The following N4BP2 variants were observed in gnomAD, a reference collection of about 807,000 sequenced individuals.
The protein encoded by N4BP2 is NEDD4-binding protein 2.
A neutral mutation model predicts 152.8 loss-of-function variants in N4BP2; 91 were observed. The ratio of observed to expected loss-of-function variants is 0.60; its 90% confidence interval spans 0.50 to 0.71. The LOEUF is 0.71. Among genes scored for constraint, N4BP2 ranks in the 30% least tolerant of loss-of-function variants. The probability of loss-of-function intolerance (pLI) is 0.00; values close to 1 mark genes in which losing one functional copy is unlikely to be tolerated. For missense variants in N4BP2, 1,923 were observed against 2,059.1 expected (o/e 0.93, Z 1.28); for synonymous variants, 646 against 705.3 (o/e 0.92, Z 1.33).
rs1371132271 is a variant in N4BP2, at chr4:40,102,908, C to T, written c.1063C>T (p.Pro355Ser). 2 of 1,614,034 alleles carry T rather than the reference C, an allele frequency of 1.2e-6. No individual in the cohort carries two copies. Among genetic ancestry groups the T allele is most frequent in the Admixed American group, 3.3e-5 (2 of 60,000 alleles). ...PVLAPLPLLL[P>S]PPPPPPMWNP... Reference sequence around the variant, plus strand: ...ACTTGCTCCTCTCCCATTGCTGTTGCCTCCTCCGCCACCTCCACCGATGTG... The same window carrying T: ...ACTTGCTCCTCTCCCATTGCTGTTGTCTCCTCCGCCACCTCCACCGATGTG... The change falls in exon 4 of 18, where the codon CCT becomes TCT. Residue 355 changes from proline (P) to serine (S), a missense_variant. By Grantham distance (74) the Pro-to-Ser change is moderately conservative. Coordinates refer to ENST00000261435, the MANE Select transcript of N4BP2 (RefSeq NM_018177.6).
intron 1 of N4BP2, among the ~76,000 whole-genome samples, chr4:40,064,856 G>A (rs559690292): frequency 6.6e-6 from 1 of 150,748 alleles, no homozygotes; most frequent in African/African-American, 2.4e-5. Context: ...TGCAACCTCC[G>A]CCTCCCAGGT....
chr4:40,169,460 G>T, the N4BP2 span, among the ~76,000 whole-genome samples: 1 of 150,918 alleles, frequency 6.6e-6, no homozygotes, highest in Non-Finnish European at 1.5e-5. Context: ...AATGAAATTA[G>T]AAATATATAA....
intron 15 of N4BP2, among the ~76,000 whole-genome samples, chr4:40,143,402 C>T (rs1720229277): frequency 6.6e-6 from 1 of 152,088 alleles, no homozygotes; most frequent in South Asian, 2.1e-4. Flanking sequence ...CAGCCTTGAC[C>T]TCCCAGGCTC....
At chr4:40,165,844 A>T in the N4BP2 span, among the ~76,000 whole-genome samples, 3 of 152,060 alleles carry the variant, frequency 2.0e-5, no homozygotes, top group Admixed American at 2.0e-4. Context: ...TTCCCTTCAT[A>T]TTCTTTCTGT....
the N4BP2 span, among the ~76,000 whole-genome samples, chr4:40,183,326 C>T: frequency 1.3e-5 from 2 of 149,430 alleles, no homozygotes; most frequent in Non-Finnish European, 3.0e-5. Flanking sequence ...ATTGGCTAAA[C>T]TACTTTTTAC....
the N4BP2 span, among the ~76,000 whole-genome samples, chr4:40,168,850 G>A: frequency 2.6e-5 from 4 of 151,328 alleles, no homozygotes; most frequent in Admixed American, 6.6e-5. Flanking sequence ...TCAGTCTCCC[G>A]AGTAGCTGGA....
At chr4:40,113,307 G>T (rs1039060439) in intron 6 of N4BP2, 125 bp from the exon 7 acceptor site, 2 of 630,910 alleles carry the variant, frequency 3.2e-6, no homozygotes, top group South Asian at 2.1e-5. Context: ...TGTATATTTT[G>T]CCATTTTAAC....
intron 1 of N4BP2, among the ~76,000 whole-genome samples, chr4:40,062,022 TG>T (rs1382698432): frequency 2.6e-5 from 4 of 151,884 alleles, no homozygotes; most frequent in Non-Finnish European, 5.9e-5. Flanking sequence ...ATTTATTTTT[TG>T]GTTTTATTTA....
chr4:40,135,767 A>T (rs938762613), intron 13 of N4BP2, among the ~76,000 whole-genome samples: 4 of 152,022 alleles, frequency 2.6e-5, no homozygotes, highest in Admixed American at 2.0e-4. Flanking sequence ...GGGTTTCACC[A>T]TGTTGGCCAG....
chr4:40,103,788 A>G (rs1049665707), intron 4 of N4BP2, among the ~76,000 whole-genome samples: 1 of 152,118 alleles, frequency 6.6e-6, no homozygotes, highest in Non-Finnish European at 1.5e-5. Flanking sequence ...TCCCTTCTGT[A>G]GTTAAGGTAG....
intron 16 of N4BP2, among the ~76,000 whole-genome samples, chr4:40,150,211 T>C (rs1012316642): frequency 6.6e-6 from 1 of 152,204 alleles, no homozygotes; most frequent in African/African-American, 2.4e-5. Flanking sequence ...TCCCTTCTGG[T>C]TGAAATATAC....
chr4:40,082,907 A>G (rs1236960700), intron 2 of N4BP2: 1 of 159,096 alleles, frequency 6.3e-6, no homozygotes, highest in African/African-American at 2.4e-5. Context: ...TCACCGTTTT[A>G]GCCAGGATGG....
rs1332336300 is a variant in N4BP2 at position 40,157,134 on chromosome 4, C to T, written c.*2897C>T. The T allele has an allele frequency of 6.6e-6, 1 of 151,916 alleles. No individual in the cohort carries two copies. The highest frequency in any genetic ancestry group is 1.5e-5 in the Non-Finnish European group (1 of 67,946). The allele number at this position is 151,916 out of a possible 1,614,324, so 9.4% of individuals were successfully genotyped here. ...AACCCCAGAGGGTGTCCAGTTGGAC[C>T]AGGGAGATATTAGACACTTAACAGT... On this transcript the variant is annotated 3_prime_UTR_variant, in exon 18 of 18. Coordinates refer to ENST00000261435, the MANE Select transcript of N4BP2 (RefSeq NM_018177.6).
At chr4:40,160,397 G>A (rs999215363), downstream of N4BP2, among the ~76,000 whole-genome samples, 3 of 152,170 alleles carry the variant, frequency 2.0e-5, no homozygotes, top group Admixed American at 1.3e-4. Context: ...CATGAATGTT[G>A]ATTTTTCTTG....
At chr4:40,148,259 G>A (rs1022601569) in intron 16 of N4BP2, among the ~76,000 whole-genome samples, 1 of 152,218 alleles carries the variant, frequency 6.6e-6, no homozygotes, top group African/African-American at 2.4e-5. Context: ...GAGCAGCCTG[G>A]CCAATACAGC....
intron 16 of N4BP2, among the ~76,000 whole-genome samples, chr4:40,150,361 T>C (rs1721038408): frequency 6.6e-6 from 1 of 152,078 alleles, no homozygotes; most frequent in African/African-American, 2.4e-5. Context: ...GTCAGCAAAA[T>C]TCAGATTGTG....
chr4:40,121,564 G>A lies in N4BP2; in HGVS notation c.3453G>A (p.Gly1151=), dbSNP rs751516776. The change falls in exon 9 of 18, where the codon GGG becomes GGA. Residue 1151 remains glycine (G), a synonymous_variant. Coordinates refer to ENST00000261435, the MANE Select transcript of N4BP2 (RefSeq NM_018177.6). ...AATCGTGTGATGGATCACAAATTGG[G>A]CCTTTTTCTCTGGGGTTGAATTTGA... ...FQKSCDGSQI[G]PFSLGLNLKE... is the part of the protein sequence containing the mutation. 2 of 1,614,060 alleles carry A rather than the reference G, an allele frequency of 1.2e-6. No homozygotes were observed. Among genetic ancestry groups the A allele is most frequent in the South Asian group, 1.1e-5 (1 of 91,060 alleles).
intron 2 of N4BP2, among the ~76,000 whole-genome samples, chr4:40,092,284 A>AT (rs766052742): frequency 0.017 from 2,567 of 146,706 alleles, 34 homozygotes; most frequent in Non-Finnish European, 0.024. Context: ...GGCCCTGGAA[A>AT]TTTTTTTTTT....
At chr4:40,059,120 G>A (rs139926187) in intron 1 of N4BP2, among the ~76,000 whole-genome samples, 98 of 151,914 alleles carry the variant, frequency 6.5e-4, no homozygotes, top group African/African-American at 2.3e-3. Flanking sequence ...ACGCCCGCCC[G>A]GCCGTTTTAA....
Sources: gnomAD v4.1 joint callset for allele counts (sites outside exome capture counted in the v4.1 genomes callset) on GRCh38, gnomAD v4.1.1 for gene constraint, MANE v1.5 for transcripts, NCBI Gene and HGNC (gene_info 2026-07-23, HGNC 2026-07-21) for gene names.